The following CFAP77 variants were observed in gnomAD, a reference collection of about 807,000 sequenced individuals.
CFAP77 encodes the protein cilia and flagella associated protein 77.
A neutral mutation model predicts 31.1 loss-of-function variants in CFAP77; 25 were observed. That is an observed-to-expected ratio of 0.80 (90% CI 0.59 to 1.12). The LOEUF (loss-of-function observed/expected upper bound fraction) is 1.12, where lower values mean the gene tolerates loss of function less well. Among genes scored for constraint, CFAP77 ranks in the 50% most tolerant of loss-of-function variants. The probability of loss-of-function intolerance (pLI) is 0.00; values close to 1 mark genes in which losing one functional copy is unlikely to be tolerated. For missense variants in CFAP77, 377 were observed against 397.3 expected, an observed-to-expected ratio of 0.95 and a Z score of 0.44; for synonymous variants, 151 against 159.9, an observed-to-expected ratio of 0.94 and a Z score of 0.42.
chr9:132,569,915 T>C (rs1829935966), intron 5 of CFAP77, among the ~76,000 whole-genome samples: 2 of 152,118 alleles, frequency 1.3e-5, no homozygotes, highest in South Asian at 4.2e-4. Context: ...TTTGTATTTT[T>C]AGTAGGGATG....
At chr9:132,544,051 C>T (rs1452181338) in intron 5 of CFAP77, among the ~76,000 whole-genome samples, 1 of 152,218 alleles carries the variant, frequency 6.6e-6, no homozygotes, top group Non-Finnish European at 1.5e-5. Context: ...CAGGCCCGGC[C>T]GCTGTGCCGC....
chr9:132,460,922 C>T (rs1177563973), intron 1 of CFAP77, among the ~76,000 whole-genome samples: 1 of 152,076 alleles, frequency 6.6e-6, no homozygotes, highest in Non-Finnish European at 1.5e-5. Context: ...GACGGGGTTT[C>T]ACCATGTTGG....
intron 1 of CFAP77, among the ~76,000 whole-genome samples, chr9:132,486,352 A>G (rs1221454417): frequency 6.6e-6 from 1 of 151,332 alleles, no homozygotes; most frequent in Admixed American, 6.6e-5. Flanking sequence ...TCGGCCTCCC[A>G]AAGTGCTGGG....
intron 5 of CFAP77, among the ~76,000 whole-genome samples, chr9:132,559,857 C>T (rs1402596036): frequency 2.6e-5 from 4 of 152,174 alleles, no homozygotes; most frequent in Non-Finnish European, 5.9e-5. Context: ...AGGAATGAAG[C>T]GGTCCTCTGT....
intron 1 of CFAP77, among the ~76,000 whole-genome samples, chr9:132,466,881 A>G (rs1851159085): frequency 3.3e-5 from 5 of 152,188 alleles, no homozygotes; most frequent in Admixed American, 3.3e-4. Context: ...TTTTCATTTC[A>G]AATTGTAAAA....
chr9:132,464,512 A>C (rs1052139096), intron 1 of CFAP77, among the ~76,000 whole-genome samples: 2 of 152,248 alleles, frequency 1.3e-5, no homozygotes, highest in Non-Finnish European at 2.9e-5. Context: ...GCCACATTCA[A>C]TACGTAAAAA....
Position 132,480,335 on chromosome 9 carries a change from C to T in CFAP77, c.196-18360C>T, listed in dbSNP as rs1851424024. Among the ~76,000 whole-genome samples the T allele has an allele frequency of 6.7e-6, 1 of 149,248 alleles. No individual in the cohort carries two copies. Among genetic ancestry groups the T allele is most frequent in the Admixed American group, 6.7e-5 (1 of 15,012 alleles). ...CAGGAAAGGGCTTTCCCACTTTTTG[C>T]CCTCATAGCTCAACTCCCTAGGGAA... is the stretch of plus-strand genomic sequence containing the variant. On this transcript the variant is annotated intron_variant, in intron 1 of 5. Transcript: ENST00000393216. The surrounding 1 kb of genome is among the most constrained non-coding windows in gnomAD (Gnocchi z 5.8).
chr9:132,570,741 G>A (rs934190862), intron 5 of CFAP77, among the ~76,000 whole-genome samples: 4 of 152,158 alleles, frequency 2.6e-5, no homozygotes, highest in African/African-American at 4.8e-5. Flanking sequence ...TTCTAACAAC[G>A]CTCCACAGCC....
chr9:132,531,628 G>GC (rs200393305), intron 3 of CFAP77, among the ~76,000 whole-genome samples: 2 of 144,740 alleles, frequency 1.4e-5, no homozygotes, highest in East Asian at 2.0e-4. Context: ...TAAGACATGG[G>GC]GGGGGGGGCA....
rs148788395 is a variant in CFAP77 at position 132,539,794 on chromosome 9, G to A, written c.630+2088G>A. 7.4e-4 allele frequency among the ~76,000 whole-genome samples: 113 copies of A among 152,322 alleles called. No homozygotes were observed. Among genetic ancestry groups the A allele is most frequent in the African/African-American group, 2.6e-3 (110 of 41,558 alleles). ...ACATTTTAAGAGCAACCCACGACTA[G>A]TTTATTCGTTAATGGCTCAAGCAAG... On this transcript the variant is annotated intron_variant, in intron 4 of 5. Coordinates refer to ENST00000393216, the MANE Select transcript of CFAP77 (RefSeq NM_001282957.2). The surrounding 1 kb of genome is among the most constrained non-coding windows in gnomAD (Gnocchi z 4.3).
intron 1 of CFAP77, among the ~76,000 whole-genome samples, chr9:132,426,629 A>G (rs752825838): frequency 9.5e-4 from 144 of 152,318 alleles, no homozygotes; most frequent in Non-Finnish European, 1.9e-3. Flanking sequence ...ATTAACCATC[A>G]TCGTCTAAAG....
chr9:132,410,467 G>A lies in CFAP77; in HGVS notation c.195+1G>A. The A allele has an allele frequency of 6.3e-7, 1 of 1,576,272 alleles. No individual in the cohort carries two copies. Among genetic ancestry groups the A allele is most frequent in the Non-Finnish European group, 8.6e-7 (1 of 1,164,836 alleles). ...GTTTCAGAACCCTCTCATCGTCAAG[G>A]TGAGCACCCCACGCCCACCGCGCTT... On this transcript the variant is annotated splice_donor_variant, in intron 1 of 5. Transcript: ENST00000393216. LOFTEE classifies it high-confidence loss of function.
chr9:132,432,550 T>A (rs1302911264), intron 1 of CFAP77, among the ~76,000 whole-genome samples: 7 of 138,792 alleles, frequency 5.0e-5, no homozygotes, highest in African/African-American at 1.9e-4. Context: ...TTTTTTTTTT[T>A]AAGATGGAGC....
intron 1 of CFAP77, among the ~76,000 whole-genome samples, chr9:132,458,949 C>T (rs1055849944): frequency 6.6e-6 from 1 of 152,154 alleles, no homozygotes; most frequent in Admixed American, 6.5e-5. Flanking sequence ...TGAGGATAGT[C>T]GCAGACTTGA....
At chr9:132,440,206 AC>A (rs1468966304) in intron 1 of CFAP77, among the ~76,000 whole-genome samples, 1 of 151,976 alleles carries the variant, frequency 6.6e-6, no homozygotes, top group Admixed American at 6.6e-5. Context: ...GCATGGTTGC[AC>A]ATGCCTGTAG....
At chr9:132,507,192 A>G (rs1851945831) in intron 3 of CFAP77, among the ~76,000 whole-genome samples, 1 of 152,226 alleles carries the variant, frequency 6.6e-6, no homozygotes, top group Non-Finnish European at 1.5e-5. Context: ...ACCACGCTGG[A>G]TGCTCCAGGC....
chr9:132,474,075 C>T (rs1274315415), intron 1 of CFAP77, among the ~76,000 whole-genome samples: 2 of 152,214 alleles, frequency 1.3e-5, no homozygotes, highest in Non-Finnish European at 2.9e-5. Context: ...AGAGATGTAG[C>T]TGGGGTGCCC....
intron 4 of CFAP77, among the ~76,000 whole-genome samples, chr9:132,538,858 C>T (rs1253796092): frequency 1.3e-5 from 2 of 151,938 alleles, no homozygotes. Context: ...GAGGCCAAGG[C>T]GGGCGGATCA....
chr9:132,470,747 G>A lies in CFAP77; in HGVS notation c.196-27948G>A, dbSNP rs145087181. Among the ~76,000 whole-genome samples the A allele has an allele frequency of 3.5e-3, 533 of 152,312 alleles. 1 individual carries two copies. Among genetic ancestry groups the A allele is most frequent in the African/African-American group, 0.012 (496 of 41,564 alleles). On this transcript the variant is annotated intron_variant, in intron 1 of 5. Coordinates refer to ENST00000393216, the MANE Select transcript of CFAP77 (RefSeq NM_001282957.2). The stretch of plus-strand genomic sequence containing the variant: ...AATGTGGCCGGGCACGGTGGCTTAC[G>A]CCTGTAATCCCAGCACTTTGGGATG...
Sources: allele counts gnomAD v4.1 joint callset (sites outside exome capture counted in the v4.1 genomes callset), GRCh38; gene constraint gnomAD v4.1.1; non-coding constraint Gnocchi (gnomAD v3.1); transcripts MANE v1.5; gene names NCBI Gene and HGNC (gene_info 2026-07-23, HGNC 2026-07-21).